The following RNGTT variants were observed in gnomAD, a reference collection of about 807,000 sequenced individuals.
RNGTT encodes the protein RNA guanylyltransferase and 5'-phosphatase.
Under a neutral mutation model 79.3 loss-of-function variants are expected in RNGTT, and 33 were observed. That is an observed-to-expected ratio of 0.42 (90% CI 0.32 to 0.56). The LOEUF (loss-of-function observed/expected upper bound fraction) is 0.56. Among genes scored for constraint, RNGTT ranks in the 20% least tolerant of loss-of-function variants. The pLI, the probability that RNGTT is intolerant of heterozygous loss-of-function variation, is 0.17. For synonymous variants in RNGTT, 222 were observed against 235.9 expected (o/e 0.94, Z 0.54); for missense variants, 497 against 739.1 (o/e 0.67, Z 3.80).
intron 13 of RNGTT, among the ~76,000 whole-genome samples, chr6:88,693,337 C>A (rs554179033): frequency 6.6e-6 from 1 of 152,062 alleles, no homozygotes; most frequent in African/African-American, 2.4e-5. Context: ...TTATTATGAA[C>A]AACTATATGC....
chr6:88,659,872 TA>T (rs1265462207), intron 14 of RNGTT, among the ~76,000 whole-genome samples: 1 of 152,100 alleles, frequency 6.6e-6, no homozygotes, highest in African/African-American at 2.4e-5. Flanking sequence ...AAAGTCAAGA[TA>T]AAGGAAATAA....
rs184361245 is a variant in RNGTT at position 88,913,940 on chromosome 6, A to G, written c.368-7500T>C. 2.4e-3 allele frequency among the ~76,000 whole-genome samples: 366 copies of G among 152,314 alleles called. 3 individuals carry two copies. The highest frequency in any genetic ancestry group is 0.01 in the Middle Eastern group (3 of 294). ...ATGTTCTCTATTTCAGTAAATTTTC[A>G]GAACACAAAATCTACATACAAAAAT... On this transcript the variant is annotated intron_variant, in intron 4 of 15. Transcript: ENST00000369485.
intron 12 of RNGTT, among the ~76,000 whole-genome samples, chr6:88,798,110 G>T (rs936964330): frequency 6.6e-6 from 1 of 151,896 alleles, no homozygotes; most frequent in African/African-American, 2.4e-5. Context: ...TGGATTATGT[G>T]CAACTTACAT....
At chr6:88,900,696 T>G (rs746106462) in intron 6 of RNGTT, among the ~76,000 whole-genome samples, 8 of 149,140 alleles carry the variant, frequency 5.4e-5, no homozygotes, top group Non-Finnish European at 1.2e-4. Context: ...ATTGCACCAC[T>G]GCACTCCAGC....
chr6:88,808,482 T>C (rs992537799), intron 11 of RNGTT, among the ~76,000 whole-genome samples: 1 of 152,128 alleles, frequency 6.6e-6, no homozygotes, highest in East Asian at 1.9e-4. Flanking sequence ...TGAGAAAACA[T>C]GGGGCAAGCC....
chr6:88,639,461 A>G (rs548159414), intron 14 of RNGTT, among the ~76,000 whole-genome samples: 13 of 152,268 alleles, frequency 8.5e-5, no homozygotes, highest in African/African-American at 3.1e-4. Context: ...TAAATAAGAA[A>G]ACAAGAAAAA....
chr6:88,924,330 T>G (rs960613530), intron 4 of RNGTT, among the ~76,000 whole-genome samples: 5 of 152,240 alleles, frequency 3.3e-5, no homozygotes, highest in Non-Finnish European at 5.9e-5. Context: ...TTTTTCATGT[T>G]TCTTGGCTTC....
intron 5 of RNGTT, 86 bp downstream of exon 5, chr6:88,906,279 C>T (rs1040109931): frequency 1.5e-5 from 12 of 793,656 alleles, no homozygotes; most frequent in Admixed American, 8.9e-5. Flanking sequence ...TCACCAAAAA[C>T]TTGACAATAC....
intron 13 of RNGTT, among the ~76,000 whole-genome samples, chr6:88,688,828 T>TC (rs762385609): frequency 1.3e-4 from 20 of 152,286 alleles, no homozygotes; most frequent in Non-Finnish European, 2.6e-4. Flanking sequence ...CCCCTCCTCT[T>TC]CCTCAGCCTT....
chr6:88,850,098 C>T (rs1354837482), intron 9 of RNGTT, among the ~76,000 whole-genome samples: 1 of 151,850 alleles, frequency 6.6e-6, no homozygotes, highest in Non-Finnish European at 1.5e-5. Flanking sequence ...TTGCTTTATG[C>T]TTGAATTACT....
At chr6:88,880,211 AAT>A (rs1266163314) in intron 8 of RNGTT, among the ~76,000 whole-genome samples, 2 of 147,242 alleles carry the variant, frequency 1.4e-5, no homozygotes, top group African/African-American at 5.0e-5. Context: ...TGAATGAATG[AAT>A]GAAAGGAAGA....
intron 12 of RNGTT, among the ~76,000 whole-genome samples, chr6:88,791,790 T>C (rs544319745): frequency 1.2e-4 from 19 of 152,298 alleles, no homozygotes; most frequent in South Asian, 6.2e-4. Context: ...CCGCCCGCCT[T>C]GGCCTCCCAA....
intron 8 of RNGTT, among the ~76,000 whole-genome samples, chr6:88,875,674 A>C (rs1782498728): frequency 6.6e-6 from 1 of 152,138 alleles, no homozygotes; most frequent in Non-Finnish European, 1.5e-5. Context: ...AAATGAGATA[A>C]ATGTTCTATG....
intron 1 of RNGTT, among the ~76,000 whole-genome samples, chr6:88,953,351 C>G (rs1227782408): frequency 2.6e-5 from 4 of 151,934 alleles, no homozygotes; most frequent in Non-Finnish European, 4.4e-5. Context: ...TAATAATAGA[C>G]TAGAACAAGT....
At chr6:88,653,283 T>C (rs1318424461) in intron 14 of RNGTT, among the ~76,000 whole-genome samples, 1 of 152,200 alleles carries the variant, frequency 6.6e-6, no homozygotes, top group Non-Finnish European at 1.5e-5. Flanking sequence ...AATAAAATTG[T>C]TTATTCTTTG....
At chr6:88,770,371 A>G (rs1778611078) in intron 12 of RNGTT, among the ~76,000 whole-genome samples, 1 of 152,204 alleles carries the variant, frequency 6.6e-6, no homozygotes, top group Admixed American at 6.5e-5. Context: ...CTACGACTAC[A>G]GTTGTACCTT....
chr6:88,922,633 TTCTCCTGCCTCAGCC>T (rs1306015973), intron 4 of RNGTT, among the ~76,000 whole-genome samples: 1 of 151,866 alleles, frequency 6.6e-6, no homozygotes, highest in African/African-American at 2.4e-5. Flanking sequence ...GTTCATGCTA[TTCTCCTGCCTCAGCC>T]TCCCAAGTAG....
At chr6:88,814,186 A>G (rs1261276485) in intron 11 of RNGTT, among the ~76,000 whole-genome samples, 1 of 152,186 alleles carries the variant, frequency 6.6e-6, no homozygotes, top group Non-Finnish European at 1.5e-5. Context: ...AAAAAAGCTA[A>G]AGTCATCTCT....
intron 10 of RNGTT, among the ~76,000 whole-genome samples, chr6:88,847,120 T>A (rs1055605186): frequency 6.6e-6 from 1 of 152,158 alleles, no homozygotes; most frequent in East Asian, 1.9e-4. Flanking sequence ...TTACAAAATG[T>A]TACGTTTTTA....
Sources: allele counts gnomAD v4.1 joint callset (sites outside exome capture counted in the v4.1 genomes callset), GRCh38; gene constraint gnomAD v4.1.1; transcripts MANE v1.5; gene names NCBI Gene and HGNC (gene_info 2026-07-23, HGNC 2026-07-21).